SASH1: variants seen among roughly 807,000 people sequenced by gnomAD.
SASH1 encodes SAM and SH3 domain-containing protein 1.
SASH1 carries 44 observed loss-of-function variants against 125.2 expected under a neutral mutation model. The ratio of observed to expected loss-of-function variants is 0.35; its 90% confidence interval spans 0.28 to 0.45. The LOEUF is 0.45. Ranked by LOEUF, SASH1 falls within the 20% of genes least tolerant of loss-of-function variation. The pLI is 1.00. For synonymous variants in SASH1, 639 were observed against 649.1 expected, an observed-to-expected ratio of 0.98 and a Z score of 0.24; for missense variants, 1,426 against 1,614.5, an observed-to-expected ratio of 0.88 and a Z score of 2.00.
chr6:148,323,071 A>G (rs1319914537), intron 1 of SASH1, among the ~76,000 whole-genome samples: 1 of 148,316 alleles, frequency 6.7e-6, no homozygotes, highest in Non-Finnish European at 1.5e-5. Flanking sequence ...TCCGTCACCC[A>G]GGACCTCAGC....
At chr6:148,473,809 C>T (rs1778221015) in intron 6 of SASH1, among the ~76,000 whole-genome samples, 2 of 152,184 alleles carry the variant, frequency 1.3e-5, no homozygotes, top group African/African-American at 4.8e-5. Context: ...GGATCTCTCT[C>T]TCACTTTCCT....
intron 1 of SASH1, among the ~76,000 whole-genome samples, chr6:148,284,403 C>T (rs1054222851): frequency 1.3e-5 from 2 of 152,116 alleles, no homozygotes; most frequent in African/African-American, 4.8e-5. Flanking sequence ...CATGCCATTG[C>T]ACTCCAGCCT....
At chr6:148,379,882 T>TGG in intron 1 of SASH1, 1 of 456,492 alleles carries the variant, frequency 2.2e-6, no homozygotes, top group Non-Finnish European at 4.4e-6. Context: ...ACCGCTGATC[T>TGG]TGTTCCATCT....
chr6:148,369,327 A>G (rs1024767292), intron 1 of SASH1, among the ~76,000 whole-genome samples: 1 of 152,318 alleles, frequency 6.6e-6, no homozygotes. Context: ...TCTGCTTCAC[A>G]TGTTGAAACT....
chr6:148,525,396 T>C (rs779319786), intron 11 of SASH1, 31 bp downstream of exon 11: 17 of 1,510,328 alleles, frequency 1.1e-5, no homozygotes, highest in African/African-American at 1.1e-4. Flanking sequence ...GCAAAAAATA[T>C]GGATTCAGGC....
chr6:148,535,251 G>GTGAT (rs1781773017), intron 16 of SASH1, among the ~76,000 whole-genome samples: 1 of 152,350 alleles, frequency 6.6e-6, no homozygotes, highest in East Asian at 1.9e-4. Flanking sequence ...ATGTTTCTAG[G>GTGAT]TGATAGTTGA....
At chr6:148,302,406 T>C (rs1779988075) in intron 1 of SASH1, among the ~76,000 whole-genome samples, 1 of 149,760 alleles carries the variant, frequency 6.7e-6, no homozygotes, top group South Asian at 2.1e-4. Flanking sequence ...AGTAATTGCC[T>C]ACCATTTTAA....
At chr6:148,414,742 C>T (rs1267942587) in intron 2 of SASH1, among the ~76,000 whole-genome samples, 8 of 151,970 alleles carry the variant, frequency 5.3e-5, no homozygotes, top group Admixed American at 2.6e-4. Context: ...TTTGGCATAC[C>T]GCAACCTCTG....
In SASH1 at chr6:148,548,653, C is replaced by A; in HGVS notation, c.*95C>A. The A allele has an allele frequency of 7.0e-7, 1 of 1,418,916 alleles. No individual in the cohort carries two copies. The highest frequency in any genetic ancestry group is 9.5e-7 in the Non-Finnish European group (1 of 1,056,122). The allele number at this position is 1,418,916 out of a possible 1,614,324, so 87.9% of individuals were successfully genotyped here. On this transcript the variant is annotated 3_prime_UTR_variant, in exon 20 of 20. Coordinates refer to ENST00000367467, the MANE Select transcript of SASH1 (RefSeq NM_015278.5). Reference sequence around the variant, plus strand: ...CTCCATCATCTCTGGACGTGCAGACCAGATCCAGAAGAAAGGCCTGGCGTG... The same window carrying A: ...CTCCATCATCTCTGGACGTGCAGACAAGATCCAGAAGAAAGGCCTGGCGTG...
At chr6:148,194,737 C>G in the SASH1 span, among the ~76,000 whole-genome samples, 1 of 151,958 alleles carries the variant, frequency 6.6e-6, no homozygotes, top group East Asian at 1.9e-4. Context: ...GAAACCCCGT[C>G]TCTACTAAAA....
intron 7 of SASH1, chr6:148,479,463 G>T: frequency 5.2e-6 from 1 of 193,490 alleles, no homozygotes; most frequent in Non-Finnish European, 1.1e-5. Context: ...CAGCGTTCTT[G>T]GGGCAAGAGA....
At chr6:148,326,108 A>G (rs1007085595) in intron 1 of SASH1, among the ~76,000 whole-genome samples, 3 of 149,698 alleles carry the variant, frequency 2.0e-5, no homozygotes, top group East Asian at 4.0e-4. Context: ...ACTCACTGCA[A>G]TCTCCACCTC....
chr6:148,293,432 GGAAGT>G (rs1375474314), intron 1 of SASH1, among the ~76,000 whole-genome samples: 1 of 152,252 alleles, frequency 6.6e-6, no homozygotes, highest in Non-Finnish European at 1.5e-5. Context: ...CCTTCTGAAT[GGAAGT>G]GGAGTGATTG....
chr6:148,420,921 A>G (rs148582067), intron 2 of SASH1, among the ~76,000 whole-genome samples: 2,382 of 152,080 alleles, frequency 0.016, 33 homozygotes, highest in Admixed American at 0.029. Flanking sequence ...TCTCTATTAA[A>G]AATACACAAA....
intron 2 of SASH1, among the ~76,000 whole-genome samples, chr6:148,427,875 C>T (rs1264064923): frequency 6.6e-6 from 1 of 152,202 alleles, no homozygotes; most frequent in African/African-American, 2.4e-5. Flanking sequence ...TATGCTCCTC[C>T]GCTTTCATTC....
intron 4 of SASH1, among the ~76,000 whole-genome samples, chr6:148,458,388 T>C (rs1777456567): frequency 6.6e-6 from 1 of 152,228 alleles, no homozygotes; most frequent in Non-Finnish European, 1.5e-5. Context: ...AAGTGAGTTT[T>C]TAACAAGGTG....
At chr6:148,306,435 CTTG>C (rs1483214064) in intron 1 of SASH1, among the ~76,000 whole-genome samples, 2 of 152,182 alleles carry the variant, frequency 1.3e-5, no homozygotes, top group Non-Finnish European at 2.9e-5. Context: ...CAGGGAAACT[CTTG>C]TTGATTGGCA....
At chr6:148,352,268 C>T (rs566423818) in intron 1 of SASH1, among the ~76,000 whole-genome samples, 8 of 152,284 alleles carry the variant, frequency 5.3e-5, no homozygotes, top group African/African-American at 1.9e-4. Context: ...TTAACAGTCA[C>T]CAACATCATT....
At chr6:148,459,172 T>C (rs867653349) in intron 4 of SASH1, among the ~76,000 whole-genome samples, 30 of 152,286 alleles carry the variant, frequency 2.0e-4, no homozygotes, top group Middle Eastern at 3.4e-3. Flanking sequence ...TGGAGCAATT[T>C]TATCTCAACT....
Sources: allele counts gnomAD v4.1 joint callset (sites outside exome capture counted in the v4.1 genomes callset), GRCh38; gene constraint gnomAD v4.1.1; transcripts MANE v1.5; gene names NCBI Gene and HGNC (gene_info 2026-07-23, HGNC 2026-07-21).